The following ZNF583 variants were observed in gnomAD, a reference collection of about 807,000 sequenced individuals.
The protein encoded by ZNF583 is zinc finger protein L3-5.
A neutral mutation model predicts 55.3 loss-of-function variants in ZNF583; 30 were observed. The observed-to-expected ratio is 0.54, with a 90% CI of 0.41 to 0.74. The LOEUF is 0.74. Among genes scored for constraint, ZNF583 ranks in the 30% least tolerant of loss-of-function variants. ZNF583 has a pLI of 0.00. For missense variants in ZNF583, 504 were observed against 664.7 expected (o/e 0.76, Z 2.66); for synonymous variants, 208 against 220.0 (o/e 0.95, Z 0.48).
At chr19:56,420,270 T>C (rs2042393275) in intron 4 of ZNF583, among the ~76,000 whole-genome samples, 1 of 152,180 alleles carries the variant, frequency 6.6e-6, no homozygotes, top group Admixed American at 6.5e-5. Flanking sequence ...CTCTAACCTC[T>C]GTTGAGGTTA....
chr19:56,413,818 G>T, intron 2 of ZNF583, 141 bp from the exon 3 acceptor site: 1 of 1,089,348 alleles, frequency 9.2e-7, no homozygotes. Flanking sequence ...GACATGTGTT[G>T]CTCAGAACCT....
At position 56,404,755 on chromosome 19, in the gene ZNF583, C is replaced by T. The variant is rs2042118356; in HGVS notation, c.-90+303C>T. Among the ~76,000 whole-genome samples the T allele has an allele frequency of 6.6e-6, 1 of 152,062 alleles. No homozygotes were observed. Among genetic ancestry groups the T allele is most frequent in the South Asian group, 2.1e-4 (1 of 4,820 alleles). ...GAGAATGTGTGCGACAGTATGAGAC[C>T]GTTGCCCCGGTGTATGCGGGAGCCT... On this transcript the variant is annotated intron_variant, in intron 1 of 4. Coordinates refer to ENST00000333201, the MANE Select transcript of ZNF583 (RefSeq NM_152478.3). The surrounding 1 kb of genome is among the most constrained non-coding windows in gnomAD (Gnocchi z 5.2).
chr19:56,424,343 C>T lies in ZNF583; in HGVS notation c.1685C>T (p.Pro562Leu). 1.3e-6 allele frequency: 2 copies of T among 1,524,410 alleles called. No individual in the cohort carries two copies. The highest frequency in any genetic ancestry group is 1.4e-5 in the African/African-American group (1 of 73,222). The allele number at this position is 1,524,410 out of a possible 1,614,324, so 94.4% of individuals were successfully genotyped here. A position where few individuals can be genotyped will look rare whatever the true frequency, so the allele number is the denominator to read the frequency against. The change falls in exon 5 of 5, where the codon CCA becomes CTA. Residue 562 changes from proline (P) to leucine (L), a missense_variant. This residue lies in a region of ZNF583 where 63 missense variants were observed against 56.5 expected (regional missense o/e 1.11). Coordinates refer to ENST00000333201, the MANE Select transcript of ZNF583 (RefSeq NM_152478.3). ...SPSPSTSNQL[P>L]RPVGFIS Reference sequence around the variant, plus strand: ...TCACCCTCCACATCAAATCAGTTGCCAAGACCTGTAGGTTTCATCTCCTGA... The same window carrying T: ...TCACCCTCCACATCAAATCAGTTGCTAAGACCTGTAGGTTTCATCTCCTGA...
In ZNF583 at chr19:56,423,470, A is replaced by G. The variant is rs749590461; in HGVS notation, c.812A>G (p.Lys271Arg). Residue 271 changes from lysine (K) to arginine (R), a missense_variant, in exon 5 of 5, where the codon AAA (lysine) becomes AGA (arginine). Coordinates refer to ENST00000333201, the MANE Select transcript of ZNF583 (RefSeq NM_152478.3). ...ACTGGAGAGAAACCCTATGAATGTA[A>G]AGAATGTAGGAAAGCCTTCAGCCAG... ...IHTGEKPYEC[K>R]ECRKAFSQNA... 6.2e-6 allele frequency: 10 copies of G among 1,613,972 alleles called. No individual in the cohort carries two copies. The highest frequency in any genetic ancestry group is 8.5e-6 in the Non-Finnish European group (10 of 1,179,942).
Position 56,422,934 on chromosome 19 carries a change from A to G in ZNF583, c.276A>G (p.Gln92=), listed in dbSNP as rs377763190. The change falls in exon 5 of 5, where the codon CAA becomes CAG. Residue 92 remains glutamine (Q), a synonymous_variant. Coordinates refer to ENST00000333201, the MANE Select transcript of ZNF583 (RefSeq NM_152478.3). ...AAAACAGTGAATTTTCATCAAAGCA[A>G]GAGACATATGAAGAATCATCCAAAG... ...VFKNSEFSSK[Q]ETYEESSKVV... 236 of 1,612,114 alleles carry G rather than the reference A, an allele frequency of 1.5e-4. 2 individuals carry two copies. The South Asian group carries it at 2.4e-3, about 17-fold the overall frequency.
chr19:56,424,467 A>C lies in ZNF583; in HGVS notation c.*99A>C, dbSNP rs1600383189. 4.8e-6 allele frequency: 3 copies of C among 629,192 alleles called. No individual in the cohort carries two copies. The East Asian group carries it at 8.2e-5, about 17-fold the overall frequency. 39.0% of individuals were successfully genotyped at this position (629,192 alleles called of 1,614,324 possible). ...CATGGGATACTCGAGTAGCTTTCTA[A>C]TTGGTCTCCTTGTACTCACCATTGT... is the stretch of plus-strand genomic sequence containing the variant. On this transcript the variant is annotated 3_prime_UTR_variant, in exon 5 of 5. Transcript: ENST00000333201.
chr19:56,411,548 G>A (rs553894410), intron 2 of ZNF583, among the ~76,000 whole-genome samples: 10 of 152,322 alleles, frequency 6.6e-5, no homozygotes, highest in Admixed American at 4.6e-4. Context: ...CTTCGCTAAT[G>A]TCTACAGAAT....
At chr19:56,422,665 A>C (rs1422983609) in intron 4 of ZNF583, among the ~76,000 whole-genome samples, 1 of 152,190 alleles carries the variant, frequency 6.6e-6, no homozygotes, top group African/African-American at 2.4e-5. Flanking sequence ...TGATTTTTAG[A>C]ATACCACCTT....
intron 2 of ZNF583, among the ~76,000 whole-genome samples, chr19:56,407,480 T>C (rs2042173138): frequency 1.3e-5 from 2 of 152,252 alleles, no homozygotes; most frequent in Non-Finnish European, 2.9e-5. Flanking sequence ...AATAAAGCTT[T>C]TCCATAGACC....
chr19:56,421,571 T>C (rs747769905), intron 4 of ZNF583: 222 of 891,188 alleles, frequency 2.5e-4, no homozygotes, highest in Non-Finnish European at 2.9e-4. Flanking sequence ...CATTATCCAC[T>C]GTAATATTTA....
At chr19:56,406,735 G>A (rs1265070768) in intron 1 of ZNF583, among the ~76,000 whole-genome samples, 1 of 152,134 alleles carries the variant, frequency 6.6e-6, no homozygotes, top group South Asian at 2.1e-4. Flanking sequence ...CCCCGTGTTA[G>A]CCAGGATGGT....
chr19:56,419,156 T>G (rs1370179350), intron 4 of ZNF583, among the ~76,000 whole-genome samples: 1 of 152,112 alleles, frequency 6.6e-6, no homozygotes, highest in East Asian at 1.9e-4. Context: ...ATTAAAGATT[T>G]TGCCTTATGT....
At chr19:56,410,104 G>A (rs62121584) in intron 2 of ZNF583, among the ~76,000 whole-genome samples, 39,450 of 151,894 alleles carry the variant, frequency 0.26, 5,916 homozygotes, top group East Asian at 0.37. Flanking sequence ...TGTAATTACT[G>A]CTTTAGAACT....
chr19:56,408,472 G>C (rs1222518019), intron 2 of ZNF583, among the ~76,000 whole-genome samples: 2 of 152,200 alleles, frequency 1.3e-5, no homozygotes, highest in African/African-American at 4.8e-5. Context: ...GCCGTATGTA[G>C]CTAGTAGCTA....
chr19:56,419,136 G>A (rs1292517733), intron 4 of ZNF583, among the ~76,000 whole-genome samples: 1 of 150,892 alleles, frequency 6.6e-6, no homozygotes, highest in Admixed American at 6.6e-5. Context: ...GATTTCATTT[G>A]CACAGTTTTA....
Position 56,426,690 on chromosome 19 carries a change from C to G in ZNF583, c.*2322C>G, listed in dbSNP as rs962966543. 6.6e-5 allele frequency: 10 copies of G among 152,058 alleles called. No individual in the cohort carries two copies. The highest frequency in any genetic ancestry group is 1.0e-4 in the Non-Finnish European group (7 of 68,022). The allele number at this position is 152,058 out of a possible 1,614,324, so 9.4% of individuals were successfully genotyped here. A position where few individuals can be genotyped will look rare whatever the true frequency, so the allele number is the denominator to read the frequency against. On this transcript the variant is annotated 3_prime_UTR_variant, in exon 5 of 5. Coordinates refer to ENST00000333201, the MANE Select transcript of ZNF583 (RefSeq NM_152478.3). ...AATCTCCCTAGGATCAGAAGAAATA[C>G]AGTTTAGGCCAATGAAATACTATTT...
intron 2 of ZNF583, among the ~76,000 whole-genome samples, chr19:56,410,626 T>C (rs1227198410): frequency 6.6e-6 from 1 of 152,054 alleles, no homozygotes; most frequent in Non-Finnish European, 1.5e-5. Context: ...TGCTTGAACA[T>C]GGGAGGTGGA....
intron 2 of ZNF583, among the ~76,000 whole-genome samples, chr19:56,410,818 A>C (rs1176434547): frequency 6.6e-6 from 1 of 152,218 alleles, no homozygotes; most frequent in Non-Finnish European, 1.5e-5. Flanking sequence ...CAGCCAATAA[A>C]AGTGACATTA....
intron 3 of ZNF583, 127 bp downstream of exon 3, chr19:56,414,212 T>C: frequency 2.0e-6 from 3 of 1,509,466 alleles, no homozygotes; most frequent in Middle Eastern, 1.7e-4. Flanking sequence ...GTTGAATTTG[T>C]AGAATTGGCA....
Sources: allele counts gnomAD v4.1 joint callset (sites outside exome capture counted in the v4.1 genomes callset), GRCh38; gene constraint gnomAD v4.1.1; regional missense constraint gnomAD v4.1.1; non-coding constraint Gnocchi (gnomAD v3.1); transcripts MANE v1.5; gene names NCBI Gene and HGNC (gene_info 2026-07-23, HGNC 2026-07-21).